AHI1: variants seen among roughly 807,000 people sequenced by gnomAD.
AHI1 encodes the protein jouberin.
A neutral mutation model predicts 149.3 loss-of-function variants in AHI1; 123 were observed. The observed-to-expected ratio is 0.82, with a 90% CI of 0.71 to 0.96. The LOEUF (loss-of-function observed/expected upper bound fraction) is 0.96, where lower values mean the gene tolerates loss of function less well. Ranked by LOEUF, AHI1 falls within the 40% of genes least tolerant of loss-of-function variation. The probability of loss-of-function intolerance (pLI) is 0.00; values close to 1 mark genes in which losing one functional copy is unlikely to be tolerated. For synonymous variants in AHI1, 475 were observed against 459.8 expected, an observed-to-expected ratio of 1.03 and a Z score of -0.42; for missense variants, 1,439 against 1,422.7, an observed-to-expected ratio of 1.01 and a Z score of -0.18.
chr6:135,287,456 C>T (rs551738707), intron 28 of AHI1, among the ~76,000 whole-genome samples: 4 of 152,098 alleles, frequency 2.6e-5, no homozygotes, highest in Non-Finnish European at 5.9e-5. Context: ...CGGACACTGG[C>T]GGCTCCTCCT....
Position 135,349,944 on chromosome 6 carries a change from A to C in AHI1, c.3165+8188T>G, listed in dbSNP as rs117385113. 2.4e-3 allele frequency among the ~76,000 whole-genome samples: 372 copies of C among 152,300 alleles called. 1 individual carries two copies. Among genetic ancestry groups the C allele is most frequent in the Non-Finnish European group, 4.5e-3 (308 of 68,020 alleles). On this transcript the variant is annotated intron_variant, in intron 24 of 28. Transcript: ENST00000265602. ...TTTGCATCTTTCTCCTGCCTCATTC[A>C]TATTGCTGGATCTTTCCTTCCATCT...
rs568802688 is a variant in AHI1 at position 135,359,537 on chromosome 6, G to A, written c.3110-1350C>T. Among the ~76,000 whole-genome samples the A allele has an allele frequency of 6.6e-5, 10 of 152,180 alleles. No individual in the cohort carries two copies. The South Asian group carries it at 2.1e-3, about 32-fold the overall frequency. On this transcript the variant is annotated intron_variant, in intron 23 of 28. Transcript: ENST00000265602. Reference sequence around the variant, plus strand: ...AACATGCAGGCAAATAAGTAATGTAGATTCCTATTGTAAGATTTTAACAAT... The same window carrying A: ...AACATGCAGGCAAATAAGTAATGTAAATTCCTATTGTAAGATTTTAACAAT...
chr6:135,373,691 G>A (rs1168615702), intron 23 of AHI1, among the ~76,000 whole-genome samples: 2 of 151,972 alleles, frequency 1.3e-5, no homozygotes, highest in Non-Finnish European at 2.9e-5. Flanking sequence ...TCAGGACTAC[G>A]ATCAAAGAAA....
chr6:135,315,942 A>T (rs942560939), intron 26 of AHI1, among the ~76,000 whole-genome samples: 5 of 152,142 alleles, frequency 3.3e-5, no homozygotes, highest in Non-Finnish European at 7.4e-5. Context: ...TCCTGTTGAC[A>T]TTTTTGGCCA....
chr6:135,351,815 A>G (rs2128425993), intron 24 of AHI1, among the ~76,000 whole-genome samples: 1 of 152,326 alleles, frequency 6.6e-6, no homozygotes, highest in East Asian at 1.9e-4. Context: ...GGTGGGTAGG[A>G]GGAGAATGGT....
rs1781490314 is a variant in AHI1, at chr6:135,284,349, T to G, written c.*1296A>C. 1 of 152,208 alleles carries G rather than the reference T, an allele frequency of 6.6e-6. No homozygotes were observed. 9.4% of individuals were successfully genotyped at this position (152,208 alleles called of 1,614,324 possible). A position where few individuals can be genotyped will look rare whatever the true frequency, so the allele number is the denominator to read the frequency against. On this transcript the variant is annotated 3_prime_UTR_variant, in exon 29 of 29. Transcript: ENST00000265602. ...CATCTGGGCAAAATTTACACCTCAATGCCCAACATTGTTTTTCTCACTTCT... is the reference window on the plus strand; with the variant it reads ...CATCTGGGCAAAATTTACACCTCAAGGCCCAACATTGTTTTTCTCACTTCT...
chr6:135,393,110 T>C (rs886440996), intron 23 of AHI1, among the ~76,000 whole-genome samples: 7 of 152,098 alleles, frequency 4.6e-5, no homozygotes, highest in African/African-American at 1.4e-4. Flanking sequence ...TACATGGCCA[T>C]GGAAACTGAA....
At chr6:135,468,086 G>C (rs1179830911) in intron 5 of AHI1, among the ~76,000 whole-genome samples, 1 of 152,028 alleles carries the variant, frequency 6.6e-6, no homozygotes, top group Non-Finnish European at 1.5e-5. Context: ...AAAAAATGCT[G>C]AAAGAACTAG....
intron 23 of AHI1, among the ~76,000 whole-genome samples, chr6:135,376,606 G>A (rs755825769): frequency 2.0e-5 from 3 of 151,966 alleles, no homozygotes; most frequent in East Asian, 1.9e-4. Context: ...GTCGAAGGCC[G>A]GGCGCAGTGG....
chr6:135,432,924 T>C, intron 16 of AHI1, 103 bp downstream of exon 16: 1 of 789,320 alleles, frequency 1.3e-6, no homozygotes, highest in Non-Finnish European at 2.1e-6. Flanking sequence ...AACCTAAATA[T>C]GCGCAATCAT....
chr6:135,402,708 T>C (rs1337373179), intron 22 of AHI1, among the ~76,000 whole-genome samples: 2 of 152,218 alleles, frequency 1.3e-5, no homozygotes, highest in Non-Finnish European at 2.9e-5. Flanking sequence ...AAGACCTCTA[T>C]GATGATTCAC....
intron 23 of AHI1, among the ~76,000 whole-genome samples, chr6:135,379,169 GC>G: frequency 6.6e-6 from 1 of 152,096 alleles, no homozygotes; most frequent in Admixed American, 6.5e-5. Context: ...TATCTTGTAG[GC>G]ATTTCAAACT....
chr6:135,484,925 A>G (rs1794249498), intron 5 of AHI1, among the ~76,000 whole-genome samples: 1 of 152,154 alleles, frequency 6.6e-6, no homozygotes, highest in Non-Finnish European at 1.5e-5. Flanking sequence ...GCCATTTTTA[A>G]TTTCTTATGG....
intron 22 of AHI1, among the ~76,000 whole-genome samples, chr6:135,402,684 T>C (rs1466589583): frequency 6.6e-6 from 1 of 152,146 alleles, no homozygotes; most frequent in African/African-American, 2.4e-5. Context: ...GGCTATTCAA[T>C]GTGAAGACAA....
chr6:135,299,457 A>G (rs1783574841), intron 27 of AHI1, among the ~76,000 whole-genome samples: 1 of 152,210 alleles, frequency 6.6e-6, no homozygotes, highest in Non-Finnish European at 1.5e-5. Flanking sequence ...GCAAGCACCC[A>G]GCAATGTACG....
chr6:135,344,971 T>C (rs972961375), intron 24 of AHI1, among the ~76,000 whole-genome samples: 1 of 143,456 alleles, frequency 7.0e-6, no homozygotes, highest in East Asian at 2.1e-4. Context: ...ATTAAAAAAA[T>C]CTAGTATACA....
chr6:135,407,824 A>G (rs774961787), intron 21 of AHI1, among the ~76,000 whole-genome samples: 1 of 152,070 alleles, frequency 6.6e-6, no homozygotes, highest in Non-Finnish European at 1.5e-5. Flanking sequence ...CATCCTGGCT[A>G]ACACGGTGAA....
At chr6:135,422,241 G>T (rs1363381558) in intron 20 of AHI1, among the ~76,000 whole-genome samples, 1 of 152,130 alleles carries the variant, frequency 6.6e-6, no homozygotes, top group Admixed American at 6.6e-5. Flanking sequence ...ATGAGGCCAG[G>T]CATGGTGGCT....
rs1220794157 is a variant in AHI1 at position 135,411,541 on chromosome 6, G to A, written c.2768C>T (p.Ala923Val). Residue 923 changes from alanine to valine, a missense_variant, in exon 21 of 29, where the codon GCC becomes GTC. By Grantham distance (64) the Ala-to-Val change is moderately conservative. Coordinates refer to ENST00000265602, the MANE Select transcript of AHI1 (RefSeq NM_001134831.2). ...TTTGAACATTTCAGCCTCCTGCTGG[G>A]CAACTGAAGAAATGAATCCATAATT... The part of the protein sequence containing the change: ...ILLYIYDFHV[A>V]QQEAEMFKRY... 6.4e-7 allele frequency: 1 copy of A among 1,563,286 alleles called. No individual in the cohort carries two copies. Among genetic ancestry groups the A allele is most frequent in the East Asian group, 2.3e-5 (1 of 44,054 alleles).
Sources: allele counts gnomAD v4.1 joint callset (sites outside exome capture counted in the v4.1 genomes callset), GRCh38; gene constraint gnomAD v4.1.1; transcripts MANE v1.5; gene names NCBI Gene and HGNC (gene_info 2026-07-23, HGNC 2026-07-21).